TRABD2B: variants seen among roughly 807,000 people sequenced by gnomAD.
TRABD2B encodes the protein TraB domain containing 2B, also known as metalloprotease TIKI2.
Under a neutral mutation model 40.1 loss-of-function variants are expected in TRABD2B, and 14 were observed. The ratio of observed to expected loss-of-function variants is 0.35; its 90% CI spans 0.23 to 0.55. TRABD2B has a LOEUF of 0.55. Among genes scored for constraint, TRABD2B ranks in the 20% least tolerant of loss-of-function variants. The probability of loss-of-function intolerance (pLI) is 0.90; values close to 1 mark genes in which losing one functional copy is unlikely to be tolerated. For synonymous variants in TRABD2B, 263 were observed against 277.0 expected, an observed-to-expected ratio of 0.95 and a Z score of 0.50; for missense variants, 541 against 648.6, an observed-to-expected ratio of 0.83 and a Z score of 1.80.
chr1:47,985,061 C>G (rs1323626064), intron 2 of TRABD2B, among the ~76,000 whole-genome samples: 1 of 152,228 alleles, frequency 6.6e-6, no homozygotes, highest in African/African-American at 2.4e-5. Context: ...TGCTGTAGTG[C>G]TTTACATTAA....
At chr1:47,977,825 A>G (rs1474605746) in intron 2 of TRABD2B, among the ~76,000 whole-genome samples, 5 of 152,116 alleles carry the variant, frequency 3.3e-5, no homozygotes, top group Admixed American at 6.5e-5. Flanking sequence ...CATCACAGGA[A>G]GAGGAAATGA....
chr1:47,985,044 G>GTT (rs1309100763), intron 2 of TRABD2B, among the ~76,000 whole-genome samples: 1 of 152,226 alleles, frequency 6.6e-6, no homozygotes. Flanking sequence ...TTGTGTGTGT[G>GTT]GCACTGTGCT....
chr1:47,839,558 G>T (rs76377044), intron 2 of TRABD2B, among the ~76,000 whole-genome samples: 3,214 of 152,266 alleles, frequency 0.021, 122 homozygotes, highest in African/African-American at 0.073. Flanking sequence ...TGCCATCCAC[G>T]CTCCAGCCTG....
At chr1:47,952,180 G>A (rs1645354366) in intron 2 of TRABD2B, among the ~76,000 whole-genome samples, 2 of 152,212 alleles carry the variant, frequency 1.3e-5, no homozygotes. Flanking sequence ...TACAGTCTGA[G>A]GCCCCCTCCA....
intron 6 of TRABD2B, among the ~76,000 whole-genome samples, chr1:47,774,135 T>G (rs1158176846): frequency 6.6e-6 from 1 of 152,084 alleles, no homozygotes; most frequent in East Asian, 1.9e-4. Context: ...CCCAGGCCCT[T>G]GTCCTACACA....
chr1:47,875,497 G>A (rs1644210389), intron 2 of TRABD2B, among the ~76,000 whole-genome samples: 1 of 151,644 alleles, frequency 6.6e-6, no homozygotes, highest in Admixed American at 6.6e-5. Flanking sequence ...GACCAGCCTG[G>A]GCAATATGGC....
intron 6 of TRABD2B, among the ~76,000 whole-genome samples, chr1:47,773,686 G>C (rs1250973567): frequency 1.3e-5 from 2 of 152,214 alleles, no homozygotes; most frequent in South Asian, 4.1e-4. Context: ...ATGTGGAACT[G>C]TGAGTCAATG....
At chr1:47,948,976 C>T (rs1292602258) in intron 2 of TRABD2B, among the ~76,000 whole-genome samples, 2 of 152,164 alleles carry the variant, frequency 1.3e-5, no homozygotes, top group African/African-American at 4.8e-5. Context: ...GACTAATACA[C>T]TGACATTAAC....
At chr1:47,876,022 CAG>C (rs1420247068) in intron 2 of TRABD2B, among the ~76,000 whole-genome samples, 2 of 152,218 alleles carry the variant, frequency 1.3e-5, no homozygotes, top group African/African-American at 2.4e-5. Flanking sequence ...CCAAGACAGA[CAG>C]ATATATTTTC....
At chr1:47,903,602 A>G (rs1644633819) in intron 2 of TRABD2B, among the ~76,000 whole-genome samples, 1 of 151,936 alleles carries the variant, frequency 6.6e-6, no homozygotes, top group South Asian at 2.1e-4. Flanking sequence ...AAGGCTTGAG[A>G]CCCTGAGAAA....
In TRABD2B at chr1:47,813,468, A is replaced by T. The variant is rs903424952; in HGVS notation, c.667-11849T>A. On this transcript the variant is annotated intron_variant, in intron 2 of 6. Transcript: ENST00000606738. The surrounding 1 kb of genome is among the most constrained non-coding windows in gnomAD (Gnocchi z 4.3). ...CCGGTTACCAAGCCTTCAGAGACAA[A>T]CAGCAGCTGAAAGGGCAGAGATCTG... Among the ~76,000 whole-genome samples, 1 of 152,136 alleles carries T rather than the reference A, an allele frequency of 6.6e-6. No individual in the cohort carries two copies.
chr1:47,988,790 G>T (rs545657457), intron 2 of TRABD2B, among the ~76,000 whole-genome samples: 2 of 152,206 alleles, frequency 1.3e-5, no homozygotes, highest in African/African-American at 2.4e-5. Flanking sequence ...TGGGACAAAG[G>T]GGGGCAAATT....
intron 2 of TRABD2B, among the ~76,000 whole-genome samples, chr1:47,893,733 C>T (rs938347025): frequency 6.6e-6 from 1 of 152,148 alleles, no homozygotes; most frequent in Non-Finnish European, 1.5e-5. Flanking sequence ...AGCGTTGTTC[C>T]AGGGACTAAA....
At chr1:47,963,313 G>A (rs541831231) in intron 2 of TRABD2B, among the ~76,000 whole-genome samples, 21 of 152,324 alleles carry the variant, frequency 1.4e-4, no homozygotes, top group African/African-American at 4.3e-4. Flanking sequence ...GCTTGGAAGT[G>A]CTCTGCTAGC....
At chr1:47,977,515 C>T (rs1645773789) in intron 2 of TRABD2B, among the ~76,000 whole-genome samples, 2 of 152,072 alleles carry the variant, frequency 1.3e-5, no homozygotes, top group Non-Finnish European at 2.9e-5. Flanking sequence ...AGCAATCATC[C>T]TAAGAAGATA....
At chr1:47,873,040 GC>G (rs1644167609) in intron 2 of TRABD2B, among the ~76,000 whole-genome samples, 1 of 152,192 alleles carries the variant, frequency 6.6e-6, no homozygotes, top group Non-Finnish European at 1.5e-5. Context: ...CATAGATGGT[GC>G]CTTCTTGCCA....
chr1:47,785,008 G>A (rs1042431014), intron 4 of TRABD2B, among the ~76,000 whole-genome samples: 2 of 152,230 alleles, frequency 1.3e-5, no homozygotes, highest in Non-Finnish European at 2.9e-5. Flanking sequence ...CCCAGACTAA[G>A]GAGATGAGTG....
chr1:47,891,322 G>A (rs1048239054), intron 2 of TRABD2B, among the ~76,000 whole-genome samples: 6 of 152,180 alleles, frequency 3.9e-5, no homozygotes, highest in African/African-American at 1.4e-4. Flanking sequence ...GTAGGAAAAG[G>A]TGCTATGAGC....
chr1:47,976,414 C>A (rs1335929186), intron 2 of TRABD2B, among the ~76,000 whole-genome samples: 1 of 152,116 alleles, frequency 6.6e-6, no homozygotes, highest in Non-Finnish European at 1.5e-5. Flanking sequence ...GTGTACTTTG[C>A]ATACTTGTTT....
Sources: gnomAD v4.1 joint callset for allele counts (sites outside exome capture counted in the v4.1 genomes callset) on GRCh38, gnomAD v4.1.1 for gene constraint, Gnocchi (gnomAD v3.1) non-coding constraint, MANE v1.5 for transcripts, NCBI Gene and HGNC (gene_info 2026-07-23, HGNC 2026-07-21) for gene names.